The following ANKRD33 variants were observed in gnomAD, a reference collection of about 807,000 sequenced individuals.
The protein encoded by ANKRD33 is photoreceptor ankyrin repeat protein.
Under a neutral mutation model 20.6 loss-of-function variants are expected in ANKRD33, and 20 were observed. The observed-to-expected ratio is 0.97, with a 90% CI of 0.68 to 1.41. The LOEUF is 1.41. ANKRD33 is among the 40% of genes most tolerant of loss of function. ANKRD33 has a pLI of 0.00. For synonymous variants in ANKRD33, 246 were observed against 245.0 expected, an observed-to-expected ratio of 1.00 and a Z score of -0.04; for missense variants, 545 against 579.6, an observed-to-expected ratio of 0.94 and a Z score of 0.61.
Position 51,888,981 on chromosome 12 carries a change from C to G in ANKRD33, c.397-86C>G, listed in dbSNP as rs767416104. 1.2e-5 allele frequency: 19 copies of G among 1,595,608 alleles called. No individual in the cohort carries two copies. In the South Asian group the frequency reaches 1.7e-4, roughly 14 times the overall value. ...GTCTTCACGGGGTTTGGGGCAGGCT[C>G]TGGGACAGATATGGGTTTAGAGGGT... On this transcript the variant is annotated intron_variant, in intron 2 of 4. Transcript: ENST00000301190.
At position 51,890,844 on chromosome 12, in the gene ANKRD33, C is replaced by A. The variant is rs763288757; in HGVS notation, c.898C>A (p.Gln300Lys). ...GAGCCTCCCCTTTGCCCCGTCTCCT[C>A]AGGAGGGGGGTGTTCTGGACCACCT... ...TLSLPFAPSP[Q>K]EGGVLDHLVT... The change falls in exon 5 of 5, where the codon CAG becomes AAG. Residue 300 changes from glutamine to lysine, a missense_variant. Coordinates refer to ENST00000301190, the MANE Select transcript of ANKRD33 (RefSeq NM_182608.4). The A allele has an allele frequency of 6.2e-7, 1 of 1,612,628 alleles. No individual in the cohort carries two copies. The highest frequency in any genetic ancestry group is 2.2e-5 in the East Asian group (1 of 44,876).
At chr12:51,889,325 C>A in intron 3 of ANKRD33, 47 bp from the exon 4 acceptor site, 1 of 1,608,372 alleles carries the variant, frequency 6.2e-7, no homozygotes, top group Non-Finnish European at 8.5e-7. Context: ...TTGGGAGCTT[C>A]ATCACCCCCT....
Position 51,891,468 on chromosome 12 carries a change from G to A in ANKRD33, c.*163G>A. ...ATTCATTCTAGCATTGTTTGCAAGA[G>A]TGAAAGAGTGGAAACACCCGAAGTG... On this transcript the variant is annotated 3_prime_UTR_variant, in exon 5 of 5. Transcript: ENST00000301190. 2 of 1,253,070 alleles carry A rather than the reference G, an allele frequency of 1.6e-6. No homozygotes were observed. Among genetic ancestry groups the A allele is most frequent in the Non-Finnish European group, 2.1e-6 (2 of 934,296 alleles). The allele number at this position is 1,253,070 out of a possible 1,614,324, so 77.6% of individuals were successfully genotyped here.
At position 51,891,183 on chromosome 12, in the gene ANKRD33, C is replaced by T. The variant is rs1438973787; in HGVS notation, c.1237C>T (p.Gln413Ter). Residue 413 changes from glutamine to a stop codon, truncating the protein, a stop_gained, in exon 5 of 5, where the codon CAG becomes TAG. Coordinates refer to ENST00000301190, the MANE Select transcript of ANKRD33 (RefSeq NM_182608.4). LOFTEE classifies it low-confidence loss of function (END_TRUNC). ...CTCCAAGGCATCCTCATCCTCCCAC[C>T]AGTGCCAGCCGAAGCCCAGTCCTTC... ...LLSKASSSSH[Q>*]CQPKPSPSGH... 6.2e-7 allele frequency: 1 copy of T among 1,614,270 alleles called. No individual in the cohort carries two copies. The highest frequency in any genetic ancestry group is 1.1e-5 in the South Asian group (1 of 91,086).
Position 51,889,357 on chromosome 12 carries a change from C to T in ANKRD33, c.527-15C>T. ...CCCTTTCCTGGGGACCAAGCTTACC[C>T]TTGCTGCCCTGCAGGCCACGTGCCT... On this transcript the variant is annotated splice_polypyrimidine_tract_variant and intron_variant, in intron 3 of 4. Transcript: ENST00000301190. 2 of 1,613,194 alleles carry T rather than the reference C, an allele frequency of 1.2e-6. No individual in the cohort carries two copies. The highest frequency in any genetic ancestry group is 8.5e-7 in the Non-Finnish European group (1 of 1,179,498).
rs773492649 is a variant in ANKRD33 at position 51,890,582 on chromosome 12, A to G, written c.638-2A>G. 1.2e-6 allele frequency: 2 copies of G among 1,609,614 alleles called. No homozygotes were observed. The highest frequency in any genetic ancestry group is 2.2e-5 in the East Asian group (1 of 44,844). On this transcript the variant is annotated splice_acceptor_variant, in intron 4 of 4. Transcript: ENST00000301190. LOFTEE classifies it high-confidence loss of function. Reference sequence around the variant, plus strand: ...CATGTCACCCCCTGTGCTCCTTCCCAGGTGCTGACCTGACAGCAGTGGACC... The same window carrying G: ...CATGTCACCCCCTGTGCTCCTTCCCGGGTGCTGACCTGACAGCAGTGGACC...
Position 51,889,331 on chromosome 12 carries a change from C to T in ANKRD33, c.527-41C>T, listed in dbSNP as rs771820261. 2.5e-6 allele frequency: 4 copies of T among 1,609,542 alleles called. No homozygotes were observed. In the South Asian group the frequency reaches 4.4e-5, roughly 18 times the overall value. On this transcript the variant is annotated intron_variant, in intron 3 of 4. Coordinates refer to ENST00000301190, the MANE Select transcript of ANKRD33 (RefSeq NM_182608.4). ...GAGGGCGGTTTGGGAGCTTCATCAC[C>T]CCCTTTCCTGGGGACCAAGCTTACC...
chr12:51,888,775 G>A lies in ANKRD33; in HGVS notation c.353G>A (p.Gly118Glu), dbSNP rs768802548. The A allele has an allele frequency of 5.0e-6, 8 of 1,613,980 alleles. No individual in the cohort carries two copies. The South Asian group carries it at 8.8e-5, about 18-fold the overall frequency. Reference sequence around the variant, plus strand: ...CAGCTCCAAGCCATACTGGATGGTGGGGTCTCCCCAGAGGAGGCCACCCAG... The same window carrying A: ...CAGCTCCAAGCCATACTGGATGGTGAGGTCTCCCCAGAGGAGGCCACCCAG... ...PTQLQAILDG[G>E]VSPEEATQVD... Residue 118 changes from glycine to glutamate, a missense_variant, in exon 2 of 5, where the codon GGG (glycine) becomes GAG (glutamate). By Grantham distance (98) the Gly-to-Glu change is moderately conservative. Transcript: ENST00000301190.
At chr12:51,888,855 T>C (rs752357713) in intron 2 of ANKRD33, 37 bp downstream of exon 2, 1 of 1,608,862 alleles carries the variant, frequency 6.2e-7, no homozygotes, top group East Asian at 2.2e-5. Context: ...GCTGGGGGCA[T>C]CTTTGCATCC....
rs1565585930 is a variant in ANKRD33 at position 51,891,518 on chromosome 12, T to C, written c.*213T>C. On this transcript the variant is annotated 3_prime_UTR_variant, in exon 5 of 5. Transcript: ENST00000301190. The stretch of plus-strand genomic sequence containing the variant: ...GTCCATCAGTAAGGGACAGGCTAGA[T>C]TGATTACGGATGTAATTGCTGTCCA... The C allele has an allele frequency of 1.3e-6, 1 of 777,406 alleles. No homozygotes were observed. 48.2% of individuals were successfully genotyped at this position (777,406 alleles called of 1,614,324 possible). A position where few individuals can be genotyped will look rare whatever the true frequency, so the allele number is the denominator to read the frequency against.
intron 4 of ANKRD33, chr12:51,890,334 A>T (rs1940372891): frequency 2.2e-6 from 2 of 911,296 alleles, no homozygotes; most frequent in Non-Finnish European, 3.4e-6. Flanking sequence ...GATTGAGGAG[A>T]TCCCTATTCT....
intron 3 of ANKRD33, 74 bp from the exon 4 acceptor site, chr12:51,889,298 G>A (rs1289668842): frequency 6.2e-7 from 1 of 1,607,324 alleles, no homozygotes; most frequent in East Asian, 2.2e-5. Flanking sequence ...ACTCTGTCAT[G>A]CTGGGTGGAG....
chr12:51,889,409 T>C lies in ANKRD33; in HGVS notation c.564T>C (p.Tyr188=), dbSNP rs1303671894. 6.2e-7 allele frequency: 1 copy of C among 1,614,124 alleles called. No individual in the cohort carries two copies. Among genetic ancestry groups the C allele is most frequent in the Non-Finnish European group, 8.5e-7 (1 of 1,180,004 alleles). The stretch of plus-strand genomic sequence containing the variant: ...TAGTGAGTCTCCTGCTCAACTACTA[T>C]GTGGGCCTGGACCTGGAACGCCGGG... The part of the protein sequence containing the change: ...VPLVSLLLNY[Y]VGLDLERRDQ... Residue 188 remains tyrosine, a synonymous_variant, in exon 4 of 5, where the codon TAT becomes TAC. Coordinates refer to ENST00000301190, the MANE Select transcript of ANKRD33 (RefSeq NM_182608.4).
In ANKRD33 at chr12:51,889,499, C is replaced by T; in HGVS notation, c.637+17C>T. 4.3e-6 allele frequency: 7 copies of T among 1,612,772 alleles called. No individual in the cohort carries two copies. Among genetic ancestry groups the T allele is most frequent in the Non-Finnish European group, 5.9e-6 (7 of 1,179,492 alleles). ...GGAACCGCTGTGAGTGCGTGGCCAC[C>T]CTCCTCATGGCAGGTGTGCGGGGCC... On this transcript the variant is annotated intron_variant, in intron 4 of 4. Coordinates refer to ENST00000301190, the MANE Select transcript of ANKRD33 (RefSeq NM_182608.4).
At position 51,888,764 on chromosome 12, in the gene ANKRD33, A is replaced by G; in HGVS notation, c.342A>G (p.Ile114Met). ...VHNDPTQLQA[I>M]LDGGVSPEEA... ...ATGATCCCACCCAGCTCCAAGCCAT[A>G]CTGGATGGTGGGGTCTCCCCAGAGG... is the stretch of plus-strand genomic sequence containing the variant. The change falls in exon 2 of 5, where the codon ATA (isoleucine) becomes ATG (methionine). Residue 114 changes from isoleucine to methionine, a missense_variant. Ile to Met is a conservative substitution (Grantham distance 10, BLOSUM62 1). Coordinates refer to ENST00000301190, the MANE Select transcript of ANKRD33 (RefSeq NM_182608.4). 6.2e-7 allele frequency: 1 copy of G among 1,614,036 alleles called. No homozygotes were observed. Among genetic ancestry groups the G allele is most frequent in the Non-Finnish European group, 8.5e-7 (1 of 1,179,994 alleles).
At position 51,888,420 on chromosome 12, in the gene ANKRD33, C is replaced by T. The variant is rs542758006; in HGVS notation, c.145+89C>T. 57 of 1,584,242 alleles carry T rather than the reference C, an allele frequency of 3.6e-5. No homozygotes were observed. The African/African-American group carries it at 4.5e-4, about 13-fold the overall frequency. On this transcript the variant is annotated intron_variant, in intron 1 of 4. Coordinates refer to ENST00000301190, the MANE Select transcript of ANKRD33 (RefSeq NM_182608.4). ...TGCTTGCTTAGGGCTCCTGACCCAGCGCTTGTCCTTTCTCAGGGTGGATGG... is the reference window on the plus strand; with the variant it reads ...TGCTTGCTTAGGGCTCCTGACCCAGTGCTTGTCCTTTCTCAGGGTGGATGG...
chr12:51,889,610 G>T, intron 4 of ANKRD33, 128 bp downstream of exon 4: 3 of 1,456,430 alleles, frequency 2.1e-6, no homozygotes, highest in South Asian at 2.8e-5. Context: ...AGAAAGGAGA[G>T]AGGTGGAGAT....
rs1415499535 is a variant in ANKRD33, at chr12:51,891,035, C to G, written c.1089C>G (p.Pro363=). The change falls in exon 5 of 5, where the codon CCC becomes CCG. Residue 363 remains proline (P), a synonymous_variant. Coordinates refer to ENST00000301190, the MANE Select transcript of ANKRD33 (RefSeq NM_182608.4). ...TTCCCCAGTCCCCGCCAGGGAGTCC[C>G]CAGAGGTCCCCGTGGGTCTTCGTCC... The part of the protein sequence containing the change: ...PLVPQSPPGS[P]QRSPWVFVPY... The G allele has an allele frequency of 6.2e-7, 1 of 1,614,056 alleles. No individual in the cohort carries two copies. The highest frequency in any genetic ancestry group is 1.1e-5 in the South Asian group (1 of 91,084).
At chr12:51,888,386 A>C in intron 1 of ANKRD33, 55 bp downstream of exon 1, 1 of 1,607,826 alleles carries the variant, frequency 6.2e-7, no homozygotes, top group South Asian at 1.1e-5. Flanking sequence ...GCTGACCTAG[A>C]GTGAACCCTG....
Sources: gnomAD v4.1 joint callset for allele counts on GRCh38, gnomAD v4.1.1 for gene constraint, MANE v1.5 for transcripts, NCBI Gene and HGNC (gene_info 2026-07-23, HGNC 2026-07-21) for gene names.